BIRC6: variants seen among roughly 807,000 people sequenced by gnomAD.
BIRC6 encodes the protein dual E2 ubiquitin-conjugating enzyme/E3 ubiquitin-protein ligase BIRC6.
A neutral mutation model predicts 503.3 loss-of-function variants in BIRC6; 98 were observed. The observed-to-expected ratio is 0.19, with a 90% CI of 0.17 to 0.23. BIRC6 has a LOEUF of 0.23. Among genes scored for constraint, BIRC6 ranks in the 10% least tolerant of loss-of-function variants. The pLI, the probability that BIRC6 is intolerant of heterozygous loss-of-function variation, is 1.00. For missense variants in BIRC6, 5,360 were observed against 5,806.0 expected (o/e 0.92, Z 2.50); for synonymous variants, 2,240 against 2,078.7 (o/e 1.08, Z -2.11).
chr2:32,593,951 A>C lies in BIRC6; in HGVS notation c.13392A>C (p.Pro4464=), dbSNP rs2061532659. 4 of 1,613,498 alleles carry C rather than the reference A, an allele frequency of 2.5e-6. No homozygotes were observed. In the African/African-American group the frequency reaches 5.3e-5, roughly 22 times the overall value. The change falls in exon 67 of 74, where the codon CCA becomes CCC. Residue 4464 remains proline, a synonymous_variant. Transcript: ENST00000421745. ...AAAATGTTAAAACAGGAGTAAAACC[A>C]GATGCGTCTGATCAAGAACCAGAAG... is the stretch of plus-strand genomic sequence containing the variant. ...KRENVKTGVK[P]DASDQEPEGL... is the part of the protein sequence containing the mutation.
At chr2:32,439,928 G>A (rs1041404665) in intron 16 of BIRC6, among the ~76,000 whole-genome samples, 19 of 152,196 alleles carry the variant, frequency 1.2e-4, no homozygotes, top group African/African-American at 4.6e-4. Flanking sequence ...CCCCAGGCTG[G>A]AATGCAGTGG....
intron 57 of BIRC6, among the ~76,000 whole-genome samples, chr2:32,521,203 A>G (rs1008951255): frequency 2.0e-5 from 3 of 151,820 alleles, no homozygotes; most frequent in African/African-American, 7.3e-5. Flanking sequence ...ATCAACATGT[A>G]TAAGAATAAG....
At chr2:32,416,779 C>T (rs375518458) in intron 10 of BIRC6, among the ~76,000 whole-genome samples, 71 of 139,578 alleles carry the variant, frequency 5.1e-4, no homozygotes, top group Admixed American at 1.8e-3. Context: ...CTTTTCCTTT[C>T]CCCTTTCCCC....
intron 56 of BIRC6, 117 bp from the exon 57 acceptor site, chr2:32,518,700 A>T: frequency 8.1e-7 from 1 of 1,228,008 alleles, no homozygotes; most frequent in Non-Finnish European, 1.1e-6. Flanking sequence ...TATCTAAATT[A>T]ATTATATCTT....
chr2:32,611,124 G>A (rs1469809839), intron 72 of BIRC6, among the ~76,000 whole-genome samples: 1 of 116,950 alleles, frequency 8.6e-6, no homozygotes, highest in Non-Finnish European at 1.8e-5. Context: ...TTTTTTGTTT[G>A]AGATGGAGGC....
intron 65 of BIRC6, among the ~76,000 whole-genome samples, chr2:32,573,736 G>A (rs2060071729): frequency 1.3e-5 from 2 of 151,968 alleles, no homozygotes; most frequent in South Asian, 4.1e-4. Context: ...GTTAACATAG[G>A]CAATATTTTC....
intron 17 of BIRC6, 95 bp downstream of exon 17, chr2:32,441,557 T>G: frequency 8.2e-7 from 1 of 1,221,318 alleles, no homozygotes; most frequent in Admixed American, 2.7e-5. Flanking sequence ...ATCTTTTACC[T>G]GAAAATTTTT....
intron 33 of BIRC6, among the ~76,000 whole-genome samples, chr2:32,474,480 G>A (rs1398876022): frequency 3.3e-5 from 5 of 152,150 alleles, no homozygotes; most frequent in Admixed American, 2.0e-4. Flanking sequence ...TGACAGTATT[G>A]GGACAGTTGG....
At chr2:32,603,983 C>T (rs1170661236) in intron 71 of BIRC6, among the ~76,000 whole-genome samples, 3 of 151,844 alleles carry the variant, frequency 2.0e-5, no homozygotes, top group Admixed American at 2.0e-4. Flanking sequence ...AAAATAAATA[C>T]TACTTTTTGG....
intron 54 of BIRC6, among the ~76,000 whole-genome samples, 192 bp downstream of exon 54, chr2:32,513,346 G>A (rs1484894345): frequency 6.6e-6 from 1 of 152,168 alleles, no homozygotes; most frequent in Non-Finnish European, 1.5e-5. Context: ...AGATATGTTA[G>A]CAGTACTGCC....
chr2:32,544,804 A>G (rs552085887), intron 62 of BIRC6, among the ~76,000 whole-genome samples: 2 of 152,094 alleles, frequency 1.3e-5, no homozygotes, highest in Non-Finnish European at 2.9e-5. Flanking sequence ...ATGTAGTTTA[A>G]ACCTGTGTTA....
At chr2:32,436,573 A>G (rs192039590) in intron 15 of BIRC6, among the ~76,000 whole-genome samples, 72 of 152,010 alleles carry the variant, frequency 4.7e-4, no homozygotes, top group Non-Finnish European at 8.7e-4. Context: ...TAAAAGAGGT[A>G]TTTTGTTTGT....
At chr2:32,487,857 G>T in intron 41 of BIRC6, 56 bp downstream of exon 41, 1 of 1,445,108 alleles carries the variant, frequency 6.9e-7, no homozygotes, top group Middle Eastern at 1.8e-4. Context: ...CCTGGTAAAA[G>T]ATGAAACTAA....
chr2:32,616,013 T>C (rs1466397134), intron 73 of BIRC6, among the ~76,000 whole-genome samples: 1 of 152,192 alleles, frequency 6.6e-6, no homozygotes, highest in East Asian at 1.9e-4. Flanking sequence ...AATCTTTGCA[T>C]GTGTTAGACA....
At position 32,543,298 on chromosome 2, in the gene BIRC6, T is replaced by A; in HGVS notation, c.12349T>A (p.Phe4117Ile). ...GGAAAAGCCGAAGGATAGCGATCAG[T>A]TTGAATGGGTGACCATTGAACAGTC... Reference protein sequence around the residue: ...TQEKPKDSDQFEWVTIEQSGE... With the variant: ...TQEKPKDSDQIEWVTIEQSGE... Residue 4117 changes from phenylalanine (F) to isoleucine (I), a missense_variant, in exon 62 of 74, where the codon TTT (phenylalanine) becomes ATT (isoleucine). Physicochemically the swap from Phe to Ile is conservative, Grantham distance 21. Around this residue, in one of 16 missense-constraint regions of BIRC6, gnomAD observed 878 missense variants for 928.9 expected, o/e 0.95. Coordinates refer to ENST00000421745, the MANE Select transcript of BIRC6 (RefSeq NM_016252.4). The A allele has an allele frequency of 6.2e-7, 1 of 1,614,008 alleles. No homozygotes were observed. Among genetic ancestry groups the A allele is most frequent in the Non-Finnish European group, 8.5e-7 (1 of 1,179,888 alleles).
At chr2:32,532,134 CG>C (rs1189274188) in intron 61 of BIRC6, 3 of 448,338 alleles carry the variant, frequency 6.7e-6, no homozygotes, top group Non-Finnish European at 1.3e-5. Context: ...GATTTCATGT[CG>C]TGTGTGTGTG....
intron 42 of BIRC6, among the ~76,000 whole-genome samples, chr2:32,489,545 C>T (rs2051433809): frequency 6.6e-6 from 1 of 152,008 alleles, no homozygotes; most frequent in Non-Finnish European, 1.5e-5. Flanking sequence ...GGCACAGTGG[C>T]TCACACCTGT....
chr2:32,541,611 C>G (rs998378192), intron 61 of BIRC6, among the ~76,000 whole-genome samples: 1 of 152,052 alleles, frequency 6.6e-6, no homozygotes, highest in African/African-American at 2.4e-5. Context: ...TGAGATAACT[C>G]TGTGATTAGC....
chr2:32,478,522 A>T, intron 35 of BIRC6, 113 bp from the exon 36 acceptor site: 2 of 841,956 alleles, frequency 2.4e-6, no homozygotes, highest in Non-Finnish European at 3.4e-6. Context: ...CCAGACTCAT[A>T]CATCATTGTT....
Sources: allele counts gnomAD v4.1 joint callset (sites outside exome capture counted in the v4.1 genomes callset), GRCh38; gene constraint gnomAD v4.1.1; regional missense constraint gnomAD v4.1.1; transcripts MANE v1.5; gene names NCBI Gene and HGNC (gene_info 2026-07-23, HGNC 2026-07-21).